The following DIP2C variants were observed in gnomAD, a reference collection of about 807,000 sequenced individuals.
The protein encoded by DIP2C is DIP2 acetate--CoA ligase C (putative).
In DIP2C, 33 loss-of-function variants were observed where a neutral mutation model predicts 192.4. The observed-to-expected ratio is 0.17, with a 90% CI of 0.13 to 0.23. The LOEUF (loss-of-function observed/expected upper bound fraction) is 0.23, where lower values mean the gene tolerates loss of function less well. DIP2C is among the 10% of genes least tolerant of loss of function. DIP2C has a pLI of 1.00. For synonymous variants in DIP2C, 979 were observed against 864.1 expected (o/e 1.13, Z -2.33); for missense variants, 1,537 against 2,110.1 (o/e 0.73, Z 5.32).
chr10:362,354 T>C, intron 22 of DIP2C, 136 bp downstream of exon 22: 1 of 1,033,564 alleles, frequency 9.7e-7, no homozygotes, highest in South Asian at 2.0e-5. Flanking sequence ...CCATTCTATT[T>C]TCTTGGGGTA....
At chr10:474,623 T>TC (rs1410126397) in intron 2 of DIP2C, among the ~76,000 whole-genome samples, 1 of 152,026 alleles carries the variant, frequency 6.6e-6, no homozygotes, top group Non-Finnish European at 1.5e-5. Flanking sequence ...CTCTCCACAC[T>TC]CCCGTGCTAA....
chr10:683,209 A>G (rs1306274663), intron 1 of DIP2C, among the ~76,000 whole-genome samples: 1 of 152,132 alleles, frequency 6.6e-6, no homozygotes, highest in African/African-American at 2.4e-5. Context: ...GGCTTATTAA[A>G]ATTAACTCCC....
intron 1 of DIP2C, among the ~76,000 whole-genome samples, chr10:597,882 A>G (rs1851809801): frequency 1.3e-5 from 2 of 152,144 alleles, no homozygotes; most frequent in Non-Finnish European, 2.9e-5. Flanking sequence ...ATACGGGAGA[A>G]ACCAGGAGGT....
Position 418,014 on chromosome 10 carries a change from G to C in DIP2C, c.739+1051C>G, listed in dbSNP as rs374013569. Among the ~76,000 whole-genome samples the C allele has an allele frequency of 2.9e-3, 143 of 50,144 alleles. 22 individuals carry two copies. The highest frequency in any genetic ancestry group is 0.011 in the Middle Eastern group (1 of 94). The allele number at this position is 50,144 out of a possible 152,430, so 32.9% of individuals were successfully genotyped here. Reference sequence around the variant, plus strand: ...TGTCCACCTGCACCTGTCAGGGCGCGGACAGGCCTCCCTGTCCACCTGTTC... The same window carrying C: ...TGTCCACCTGCACCTGTCAGGGCGCCGACAGGCCTCCCTGTCCACCTGTTC... On this transcript the variant is annotated intron_variant, in intron 6 of 36. Coordinates refer to ENST00000280886, the MANE Select transcript of DIP2C (RefSeq NM_014974.3).
intron 3 of DIP2C, among the ~76,000 whole-genome samples, chr10:446,655 A>G (rs6560843): frequency 0.16 from 24,490 of 152,168 alleles, 5,119 homozygotes; most frequent in African/African-American, 0.48. Flanking sequence ...CCTGACACCC[A>G]ACTGTGGGCA....
intron 4 of DIP2C, among the ~76,000 whole-genome samples, chr10:433,044 A>G (rs1184976908): frequency 6.6e-6 from 1 of 152,206 alleles, no homozygotes; most frequent in Non-Finnish European, 1.5e-5. Flanking sequence ...AACGTGGTAT[A>G]TCATGGTGAA....
Position 689,454 on chromosome 10 carries a change from G to A in DIP2C, c.85+40C>T, listed in dbSNP as rs1831464873. On this transcript the variant is annotated intron_variant, in intron 1 of 36. Transcript: ENST00000280886. The surrounding 1 kb of genome is among the most constrained non-coding windows in gnomAD (Gnocchi z 6.1). ...CAGCCCTCCGCGCGCGGCCCTCCCC[G>A]GTGACAGCGCGGCCCGGCCCGGGGC... 5 of 1,080,858 alleles carry A rather than the reference G, an allele frequency of 4.6e-6. No individual in the cohort carries two copies. Among genetic ancestry groups the A allele is most frequent in the Middle Eastern group, 4.1e-4 (1 of 2,460 alleles). 67.0% of individuals were successfully genotyped at this position (1,080,858 alleles called of 1,614,324 possible).
chr10:595,650 C>T (rs1370521873), intron 1 of DIP2C, among the ~76,000 whole-genome samples: 2 of 152,192 alleles, frequency 1.3e-5, no homozygotes, highest in Non-Finnish European at 2.9e-5. Flanking sequence ...ACAGGGACAT[C>T]GGTTCCAGGA....
At chr10:601,935 C>T (rs1852103446) in intron 1 of DIP2C, among the ~76,000 whole-genome samples, 1 of 152,148 alleles carries the variant, frequency 6.6e-6, no homozygotes, top group African/African-American at 2.4e-5. Context: ...TCTGATTGAT[C>T]AGTGGGAACC....
rs1955588281 is a variant in DIP2C, at chr10:293,396, G to C, written c.3987-4975C>G. Among the ~76,000 whole-genome samples, 4 of 152,212 alleles carry C rather than the reference G, an allele frequency of 2.6e-5. 1 individual carries two copies. In the South Asian group the frequency reaches 8.3e-4, roughly 32 times the overall value. On this transcript the variant is annotated intron_variant, in intron 32 of 36. Coordinates refer to ENST00000280886, the MANE Select transcript of DIP2C (RefSeq NM_014974.3). ...CTCACCGTGTGAGGATGGCATTTATGAATGTGCCGCTGAAAAAACAACCAA... is the reference window on the plus strand; with the variant it reads ...CTCACCGTGTGAGGATGGCATTTATCAATGTGCCGCTGAAAAAACAACCAA...
intron 24 of DIP2C, among the ~76,000 whole-genome samples, chr10:349,726 C>T (rs1025561065): frequency 6.6e-6 from 1 of 152,130 alleles, no homozygotes; most frequent in Non-Finnish European, 1.5e-5. Context: ...GAGTAACAAG[C>T]AATATTTTAA....
At chr10:394,305 GGGA>G (rs562472626) in intron 10 of DIP2C, among the ~76,000 whole-genome samples, 112 of 152,190 alleles carry the variant, frequency 7.4e-4, no homozygotes, top group African/African-American at 2.6e-3. Context: ...TCAGCCTTCA[GGGA>G]GGAGGGAAGC....
In DIP2C at chr10:355,988, G is replaced by T. The variant is rs146882813; in HGVS notation, c.2985+438C>A. ...CCCAGCTACCCGGAGGCTGATGCAC[G>T]AGAATTGCTTCAACCAGGGAGGTGG... On this transcript the variant is annotated intron_variant, in intron 24 of 36. Transcript: ENST00000280886. Among the ~76,000 whole-genome samples, 9 of 152,318 alleles carry T rather than the reference G, an allele frequency of 5.9e-5. 1 individual carries two copies. Among genetic ancestry groups the T allele is most frequent in the African/African-American group, 2.2e-4 (9 of 41,564 alleles).
intron 1 of DIP2C, among the ~76,000 whole-genome samples, chr10:544,312 G>A (rs74115048): frequency 2.2e-3 from 339 of 152,360 alleles, no homozygotes; most frequent in African/African-American, 8.0e-3. Flanking sequence ...ACTCCATTGT[G>A]TGCAAATTTT....
intron 23 of DIP2C, among the ~76,000 whole-genome samples, 169 bp from the exon 24 acceptor site, chr10:356,675 G>A (rs551599099): frequency 5.9e-5 from 9 of 152,364 alleles, no homozygotes; most frequent in South Asian, 4.1e-4. Context: ...GAAAATCCCC[G>A]TCACACACGA....
At position 415,841 on chromosome 10, in the gene DIP2C, T is replaced by C. The variant is rs750946270; in HGVS notation, c.787A>G (p.Asn263Asp). The change falls in exon 7 of 37, where the codon AAT (asparagine) becomes GAT (aspartate). Residue 263 changes from asparagine to aspartate, a missense_variant. Coordinates refer to ENST00000280886, the MANE Select transcript of DIP2C (RefSeq NM_014974.3). ...RVSAKIQQLVNTLKRPKRPPL... is the reference protein window; with the variant it reads ...RVSAKIQQLVDTLKRPKRPPL... ...GGTCGTTTCGGTCGTTTGAGGGTATTGACAAGCTGCTGGATTTTTGCTGAC... is the reference window on the plus strand; with the variant it reads ...GGTCGTTTCGGTCGTTTGAGGGTATCGACAAGCTGCTGGATTTTTGCTGAC... The C allele has an allele frequency of 2.5e-6, 4 of 1,613,902 alleles. No homozygotes were observed.
chr10:550,497 A>T (rs1382221464), intron 1 of DIP2C, among the ~76,000 whole-genome samples: 1 of 152,160 alleles, frequency 6.6e-6, no homozygotes, highest in African/African-American at 2.4e-5. Context: ...GCATCTTTAT[A>T]TTGAAGCTAC....
At chr10:602,620 C>T (rs763483266) in intron 1 of DIP2C, among the ~76,000 whole-genome samples, 40 of 152,114 alleles carry the variant, frequency 2.6e-4, no homozygotes, top group Non-Finnish European at 3.5e-4. Context: ...ACCTTGACCT[C>T]GGACTTCCCA....
At chr10:373,610 G>A (rs1961240908) in intron 17 of DIP2C, among the ~76,000 whole-genome samples, 1 of 152,082 alleles carries the variant, frequency 6.6e-6, no homozygotes, top group Non-Finnish European at 1.5e-5. Flanking sequence ...AAGGGTGGAA[G>A]GCTGCCCTGA....
Sources: allele counts gnomAD v4.1 joint callset (sites outside exome capture counted in the v4.1 genomes callset), GRCh38; gene constraint gnomAD v4.1.1; non-coding constraint Gnocchi (gnomAD v3.1); transcripts MANE v1.5; gene names NCBI Gene and HGNC (gene_info 2026-07-23, HGNC 2026-07-21).